Variants in ZNF568 observed in about 807,000 individuals in gnomAD.
The protein encoded by ZNF568 is p53 inhibitor of SCO2 activation.
ZNF568 carries 11 observed loss-of-function variants against 18.1 expected under a neutral mutation model. The ratio of observed to expected loss-of-function variants is 0.61; its 90% CI spans 0.38 to 1.00. ZNF568 has a LOEUF of 1.00. ZNF568 is among the 50% of genes least tolerant of loss of function. The pLI is 0.01. For missense variants in ZNF568, 639 were observed against 768.2 expected (o/e 0.83, Z 1.99); for synonymous variants, 213 against 246.6 (o/e 0.86, Z 1.28).
intron 3 of ZNF568, among the ~76,000 whole-genome samples, chr19:36,924,834 A>G (rs543776230): frequency 1.3e-5 from 2 of 151,860 alleles, no homozygotes; most frequent in South Asian, 2.1e-4. Flanking sequence ...CCATCTCAAA[A>G]AAAAAAAGAA....
chr19:36,920,735 T>G lies in ZNF568; in HGVS notation c.-185-1851T>G, dbSNP rs143515191. On this transcript the variant is annotated intron_variant, in intron 2 of 6. Transcript: ENST00000333987. ...AATTTAGTGTAGCCTAAGTGTACAG[T>G]GTTTATAAAGTCTACAGTAGTGTAC... 4.0e-3 allele frequency among the ~76,000 whole-genome samples: 605 copies of G among 152,054 alleles called. 5 individuals carry two copies. Among genetic ancestry groups the G allele is most frequent in the African/African-American group, 0.014 (577 of 41,486 alleles).
At chr19:36,995,697 A>T (rs1010327682) in intron 4 of ZNF568, among the ~76,000 whole-genome samples, 1 of 151,830 alleles carries the variant, frequency 6.6e-6, no homozygotes, top group African/African-American at 2.4e-5. Context: ...CGTATACAGT[A>T]GTCTTTGAAA....
intron 4 of ZNF568, among the ~76,000 whole-genome samples, chr19:36,934,023 C>A (rs1478593591): frequency 1.5e-5 from 2 of 137,586 alleles, no homozygotes; most frequent in Non-Finnish European, 3.1e-5. Flanking sequence ...TCTAGAAATT[C>A]ATTCATTTCA....
chr19:36,992,883 A>C (rs1460400352), intron 4 of ZNF568, among the ~76,000 whole-genome samples: 2 of 152,210 alleles, frequency 1.3e-5, no homozygotes, highest in African/African-American at 4.8e-5. Flanking sequence ...TATATTAATG[A>C]TATCACACAA....
rs761475142 is a variant in ZNF568, at chr19:36,949,744, C to A, written c.591C>A (p.Gly197=). 2.4e-5 allele frequency: 39 copies of A among 1,613,748 alleles called. No individual in the cohort carries two copies. In the East Asian group the frequency reaches 8.7e-4, roughly 36 times the overall value. The change falls in exon 7 of 7, where the codon GGC becomes GGA. Residue 197 remains glycine, a synonymous_variant. Transcript: ENST00000333987. Reference sequence around the variant, plus strand: ...TAGACTTACTTAGATATGAGAAAGGCTGTGTAAGAGAGAAACAGAGTAATG... The same window carrying A: ...TAGACTTACTTAGATATGAGAAAGGATGTGTAAGAGAGAAACAGAGTAATG... ...HNLDLLRYEK[G]CVREKQSNEF...
At chr19:36,928,566 G>T (rs1431696402) in intron 4 of ZNF568, among the ~76,000 whole-genome samples, 1 of 152,090 alleles carries the variant, frequency 6.6e-6, no homozygotes, top group African/African-American at 2.4e-5. Flanking sequence ...ACATAAGTAA[G>T]GGGAGGGAAA....
chr19:36,991,328 C>T, intron 3 of ZNF568: 2 of 1,501,564 alleles, frequency 1.3e-6, no homozygotes, highest in East Asian at 2.5e-5. Context: ...CCGTACACCC[C>T]CTGCCCCGCC....
intron 3 of ZNF568, among the ~76,000 whole-genome samples, chr19:36,924,840 A>C (rs986967554): frequency 6.6e-6 from 1 of 151,852 alleles, no homozygotes; most frequent in Non-Finnish European, 1.5e-5. Flanking sequence ...CAAAAAAAAA[A>C]AGAAAAAAAA....
Position 36,949,880 on chromosome 19 carries a change from A to G in ZNF568, c.727A>G (p.Ile243Val). ...HKFDLIRHER[I>V]HAGEKPYECK... Reference sequence around the variant, plus strand: ...ATTTGACCTCATTAGACATGAGCGAATTCATGCTGGAGAGAAACCTTACGA... The same window carrying G: ...ATTTGACCTCATTAGACATGAGCGAGTTCATGCTGGAGAGAAACCTTACGA... Residue 243 changes from isoleucine to valine, a missense_variant, in exon 7 of 7, where the codon ATT (isoleucine) becomes GTT (valine). Physicochemically the swap from Ile to Val is conservative, Grantham distance 29 (BLOSUM62 3). Transcript: ENST00000333987. The G allele has an allele frequency of 6.2e-7, 1 of 1,614,028 alleles. No individual in the cohort carries two copies. Among genetic ancestry groups the G allele is most frequent in the Non-Finnish European group, 8.5e-7 (1 of 1,179,944 alleles).
chr19:36,954,189 C>T (rs1013447199), downstream of ZNF568, among the ~76,000 whole-genome samples: 2 of 152,134 alleles, frequency 1.3e-5, no homozygotes, highest in Non-Finnish European at 2.9e-5. Flanking sequence ...CACGCCAGTG[C>T]ACTTCAGCCT....
intron 6 of ZNF568, among the ~76,000 whole-genome samples, chr19:36,964,080 C>G (rs973910291): frequency 1.3e-5 from 2 of 151,604 alleles, no homozygotes; most frequent in South Asian, 4.2e-4. Flanking sequence ...GCTTCTGAAC[C>G]TTTGTGAAAT....
At chr19:36,927,821 A>AAT (rs370889789) in intron 4 of ZNF568, among the ~76,000 whole-genome samples, 1,802 of 115,446 alleles carry the variant, frequency 0.016, 41 homozygotes, top group African/African-American at 0.035. Context: ...AAAATATATA[A>AAT]ATATATATAT....
At chr19:36,984,023 C>A (rs761148192), downstream of ZNF568, among the ~76,000 whole-genome samples, 3 of 151,570 alleles carry the variant, frequency 2.0e-5, no homozygotes, top group African/African-American at 7.3e-5. Flanking sequence ...CTCAGCCTCC[C>A]GAGTAGCTGG....
chr19:36,964,719 G>C (rs962308323), intron 6 of ZNF568, among the ~76,000 whole-genome samples: 5 of 152,176 alleles, frequency 3.3e-5, no homozygotes, highest in Non-Finnish European at 7.3e-5. Context: ...GGGAGGCTGA[G>C]GTGGGAGGAT....
chr19:36,993,548 A>AT (rs544560284), intron 4 of ZNF568, among the ~76,000 whole-genome samples: 318 of 152,014 alleles, frequency 2.1e-3, no homozygotes, highest in Non-Finnish European at 3.8e-3. Context: ...TTATGGGAAG[A>AT]TTTTTTTGCT....
At chr19:36,992,443 A>C (rs1161805942) in intron 4 of ZNF568, among the ~76,000 whole-genome samples, 2 of 152,110 alleles carry the variant, frequency 1.3e-5, no homozygotes, top group African/African-American at 4.8e-5. Context: ...CAGAGGTTGC[A>C]GTGAGCCAAG....
chr19:36,946,649 C>CTTTTT (rs33950985), intron 6 of ZNF568, among the ~76,000 whole-genome samples: 13 of 110,442 alleles, frequency 1.2e-4, no homozygotes, highest in East Asian at 4.8e-4. Flanking sequence ...TTTTTGTTTC[C>CTTTTT]TTTTTTTTTT....
intron 4 of ZNF568, among the ~76,000 whole-genome samples, 153 bp downstream of exon 4, chr19:36,925,411 G>C: frequency 6.6e-6 from 1 of 152,156 alleles, no homozygotes. Context: ...GGAAATTTGA[G>C]ATATGGCTAT....
intron 6 of ZNF568, among the ~76,000 whole-genome samples, chr19:36,941,177 A>G (rs111715593): frequency 0.017 from 2,583 of 152,300 alleles, 32 homozygotes; most frequent in African/African-American, 0.036. Flanking sequence ...TGAAGGTTAA[A>G]ACACATCTAG....
Sources: gnomAD v4.1 joint callset for allele counts (sites outside exome capture counted in the v4.1 genomes callset) on GRCh38, gnomAD v4.1.1 for gene constraint, MANE v1.5 for transcripts, NCBI Gene and HGNC (gene_info 2026-07-23, HGNC 2026-07-21) for gene names.